MIPOL1: variants seen among roughly 807,000 people sequenced by gnomAD.
MIPOL1 encodes mirror-image polydactyly gene 1 protein.
Under a neutral mutation model 60.9 loss-of-function variants are expected in MIPOL1, and 57 were observed. The ratio of observed to expected loss-of-function variants is 0.94; its 90% CI spans 0.76 to 1.17. MIPOL1 has a LOEUF of 1.17. Among genes scored for constraint, MIPOL1 ranks in the 50% most tolerant of loss-of-function variants. The pLI, the probability that MIPOL1 is intolerant of heterozygous loss-of-function variation, is 0.00. For synonymous variants in MIPOL1, 179 were observed against 168.8 expected (o/e 1.06, Z -0.47); for missense variants, 551 against 511.6 (o/e 1.08, Z -0.74).
chr14:37,362,695 A>C (rs940721460), intron 9 of MIPOL1, among the ~76,000 whole-genome samples: 3 of 152,150 alleles, frequency 2.0e-5, no homozygotes, highest in South Asian at 2.1e-4. Context: ...TAATATCCTG[A>C]AGAGTGTTTT....
chr14:37,281,475 GC>G (rs2084101530), intron 6 of MIPOL1, among the ~76,000 whole-genome samples: 2 of 152,182 alleles, frequency 1.3e-5, no homozygotes, highest in Admixed American at 6.5e-5. Flanking sequence ...CACGATCTCA[GC>G]TTACTGCAAC....
At chr14:37,361,172 G>T (rs1310435421) in intron 9 of MIPOL1, among the ~76,000 whole-genome samples, 1 of 152,138 alleles carries the variant, frequency 6.6e-6, no homozygotes, top group East Asian at 1.9e-4. Flanking sequence ...ATTGCACTGT[G>T]GTCTGAGAGA....
At chr14:37,409,787 A>G (rs2093651429) in intron 10 of MIPOL1, among the ~76,000 whole-genome samples, 1 of 152,172 alleles carries the variant, frequency 6.6e-6, no homozygotes, top group South Asian at 2.1e-4. Flanking sequence ...TCTGTCTCAA[A>G]ATAATAATTA....
At chr14:37,336,927 AT>A (rs754827065) in intron 9 of MIPOL1, among the ~76,000 whole-genome samples, 41 of 151,270 alleles carry the variant, frequency 2.7e-4, no homozygotes, top group Non-Finnish European at 4.7e-4. Flanking sequence ...CACCCACCCA[AT>A]TTTTTGTATT....
intron 10 of MIPOL1, among the ~76,000 whole-genome samples, chr14:37,371,652 C>T (rs1055124150): frequency 6.6e-6 from 1 of 152,082 alleles, no homozygotes; most frequent in African/African-American, 2.4e-5. Context: ...TTAAAATGGT[C>T]TGTCTTGCAT....
In MIPOL1 at chr14:37,336,644, A is replaced by G. The variant is rs140305328; in HGVS notation, c.828+28125A>G. Among the ~76,000 whole-genome samples, 11 of 152,022 alleles carry G rather than the reference A, an allele frequency of 7.2e-5. No homozygotes were observed. In the East Asian group the frequency reaches 1.7e-3, roughly 24 times the overall value. On this transcript the variant is annotated intron_variant, in intron 9 of 12. Coordinates refer to ENST00000684589, the MANE Select transcript of MIPOL1 (RefSeq NM_001388067.1). ...ACAATCGTTTTAAATTTCTGGTCTG[A>G]TAATTCCAGTATCCCTGCCATTTCT...
chr14:37,340,500 A>G (rs1340903496), intron 9 of MIPOL1, among the ~76,000 whole-genome samples: 1 of 152,116 alleles, frequency 6.6e-6, no homozygotes, highest in African/African-American at 2.4e-5. Flanking sequence ...CCTTGCATCC[A>G]GGAGTTCAAG....
intron 7 of MIPOL1, among the ~76,000 whole-genome samples, chr14:37,295,968 CA>C (rs2085627790): frequency 1.3e-5 from 2 of 152,180 alleles, no homozygotes; most frequent in East Asian, 1.9e-4. Context: ...TAGACATCTA[CA>C]GAACTCTCCA....
chr14:37,348,564 T>A (rs1308951693), intron 9 of MIPOL1, among the ~76,000 whole-genome samples: 1 of 152,016 alleles, frequency 6.6e-6, no homozygotes, highest in African/African-American at 2.4e-5. Context: ...TAAAAAATAA[T>A]GTCCCTAATG....
At chr14:37,471,345 G>C (rs1334768050) in intron 11 of MIPOL1, among the ~76,000 whole-genome samples, 3 of 152,180 alleles carry the variant, frequency 2.0e-5, no homozygotes, top group African/African-American at 7.2e-5. Flanking sequence ...TAAGTAGTAT[G>C]TCTGGTCCAA....
intron 12 of MIPOL1, among the ~76,000 whole-genome samples, chr14:37,518,033 C>T (rs942394344): frequency 2.6e-5 from 4 of 152,134 alleles, no homozygotes; most frequent in Non-Finnish European, 5.9e-5. Context: ...ACATACCTAA[C>T]TGTATAGCAA....
chr14:37,321,280 A>G (rs1017242544), intron 9 of MIPOL1, among the ~76,000 whole-genome samples: 4 of 151,870 alleles, frequency 2.6e-5, no homozygotes, highest in African/African-American at 4.8e-5. Context: ...TCATTATTAT[A>G]TATGTGTCTC....
At chr14:37,441,761 T>A (rs2094249654) in intron 11 of MIPOL1, among the ~76,000 whole-genome samples, 1 of 152,178 alleles carries the variant, frequency 6.6e-6, no homozygotes, top group South Asian at 2.1e-4. Flanking sequence ...CTCTTTTGGT[T>A]TCATAAAAAT....
At chr14:37,495,780 T>G (rs2095117818) in intron 11 of MIPOL1, among the ~76,000 whole-genome samples, 2 of 151,642 alleles carry the variant, frequency 1.3e-5, no homozygotes, top group Admixed American at 6.6e-5. Flanking sequence ...CTCCACATCC[T>G]CTCCAGCACC....
intron 12 of MIPOL1, among the ~76,000 whole-genome samples, chr14:37,509,632 T>C (rs2095309655): frequency 6.6e-6 from 1 of 151,574 alleles, no homozygotes; most frequent in Non-Finnish European, 1.5e-5. Flanking sequence ...TTATAGTTTA[T>C]ATATGTATAT....
chr14:37,348,726 C>CT (rs1157348157), intron 9 of MIPOL1, among the ~76,000 whole-genome samples: 1 of 151,842 alleles, frequency 6.6e-6, no homozygotes. Flanking sequence ...TCTGAACCAT[C>CT]TCATCTCTCT....
intron 11 of MIPOL1, among the ~76,000 whole-genome samples, chr14:37,445,198 T>C (rs2094314082): frequency 6.6e-6 from 1 of 151,888 alleles, no homozygotes; most frequent in Non-Finnish European, 1.5e-5. Flanking sequence ...GCCCAAAATC[T>C]CCTTAAGCTG....
At chr14:37,483,729 G>A (rs2094908044) in intron 11 of MIPOL1, among the ~76,000 whole-genome samples, 1 of 152,070 alleles carries the variant, frequency 6.6e-6, no homozygotes, top group South Asian at 2.1e-4. Context: ...TCAAACTCAG[G>A]GGCTCAAGCA....
At chr14:37,338,431 CAG>C (rs2090348077) in intron 9 of MIPOL1, among the ~76,000 whole-genome samples, 1 of 149,734 alleles carries the variant, frequency 6.7e-6, no homozygotes, top group Non-Finnish European at 1.5e-5. Flanking sequence ...TTTTTTGAGA[CAG>C]AATCTCGCAC....
Sources: gnomAD v4.1 joint callset for allele counts (sites outside exome capture counted in the v4.1 genomes callset) on GRCh38, gnomAD v4.1.1 for gene constraint, MANE v1.5 for transcripts, NCBI Gene and HGNC (gene_info 2026-07-23, HGNC 2026-07-21) for gene names.